The following CNBD1 variants were observed in gnomAD, a reference collection of about 807,000 sequenced individuals.
The protein encoded by CNBD1 is cyclic nucleotide-binding domain-containing protein 1.
Under a neutral mutation model 54.4 loss-of-function variants are expected in CNBD1, and 71 were observed. The observed-to-expected ratio is 1.30, with a 90% CI of 1.08 to 1.59. CNBD1 has a LOEUF of 1.59. Ranked by LOEUF, CNBD1 falls within the 40% of genes most tolerant of loss-of-function variation. CNBD1 has a pLI of 0.00. For missense variants in CNBD1, 659 were observed against 518.0 expected, an observed-to-expected ratio of 1.27 and a Z score of -2.64; for synonymous variants, 182 against 170.7, an observed-to-expected ratio of 1.07 and a Z score of -0.51.
chr8:87,212,616 T>C (rs1269647163), intron 5 of CNBD1, among the ~76,000 whole-genome samples: 1 of 152,120 alleles, frequency 6.6e-6, no homozygotes, highest in East Asian at 1.9e-4. Context: ...AAGAAAACTC[T>C]TTTCAACAAA....
At chr8:86,935,608 G>A (rs1809533739) in intron 3 of CNBD1, among the ~76,000 whole-genome samples, 1 of 151,932 alleles carries the variant, frequency 6.6e-6, no homozygotes. Flanking sequence ...CATTTCTGAT[G>A]TAATTTATGT....
intron 9 of CNBD1, among the ~76,000 whole-genome samples, chr8:87,352,478 C>CAAAAAAAAAAAAAAAAAAA (rs386413278): frequency 2.0e-4 from 21 of 107,466 alleles, no homozygotes; most frequent in African/African-American, 7.7e-4. Flanking sequence ...GACTCTGTCT[C>CAAAAAAAAAAAAAAAAAAA]AAAAAAAAAA....
intron 4 of CNBD1, among the ~76,000 whole-genome samples, chr8:87,007,920 G>A (rs757995252): frequency 3.9e-5 from 6 of 152,090 alleles, no homozygotes; most frequent in Non-Finnish European, 7.4e-5. Context: ...CTCCAAAAAC[G>A]TAATTCATGT....
chr8:86,892,538 T>A (rs1256224515), intron 2 of CNBD1, among the ~76,000 whole-genome samples: 2 of 152,074 alleles, frequency 1.3e-5, no homozygotes, highest in Non-Finnish European at 2.9e-5. Context: ...TTTTCCCTCA[T>A]TTGCTCAAAA....
At chr8:87,400,429 T>G (rs940803361) in intron 2 of CNBD1, among the ~76,000 whole-genome samples, 2 of 151,952 alleles carry the variant, frequency 1.3e-5, no homozygotes, top group African/African-American at 4.8e-5. Context: ...AATCAATATT[T>G]GGTTAAATTA....
chr8:87,316,657 G>A (rs897643931), intron 8 of CNBD1, among the ~76,000 whole-genome samples: 3 of 151,710 alleles, frequency 2.0e-5, no homozygotes, highest in Non-Finnish European at 4.4e-5. Context: ...GGCCATCAAG[G>A]CACAGGTTAA....
intron 8 of CNBD1, among the ~76,000 whole-genome samples, chr8:87,335,398 T>A (rs1809923496): frequency 6.6e-6 from 1 of 152,190 alleles, no homozygotes; most frequent in Non-Finnish European, 1.5e-5. Flanking sequence ...CTGTATTGGG[T>A]GTATATATAT....
chr8:86,982,834 G>T (rs1314590592), intron 4 of CNBD1, among the ~76,000 whole-genome samples: 2 of 152,098 alleles, frequency 1.3e-5, no homozygotes, highest in East Asian at 3.9e-4. Flanking sequence ...GCCTGCTGAG[G>T]TTTTGATTGG....
chr8:86,989,779 GT>G (rs1808701422), intron 4 of CNBD1, among the ~76,000 whole-genome samples: 1 of 152,096 alleles, frequency 6.6e-6, no homozygotes, highest in South Asian at 2.1e-4. Flanking sequence ...GTTCTTTATA[GT>G]GCTTGTACTA....
intron 4 of CNBD1, among the ~76,000 whole-genome samples, chr8:86,987,785 G>T (rs1361988896): frequency 6.6e-6 from 1 of 152,010 alleles, no homozygotes; most frequent in Non-Finnish European, 1.5e-5. Context: ...TGTTTATGTT[G>T]TGAATCACAT....
At chr8:87,343,545 A>G (rs1043241272) in intron 8 of CNBD1, among the ~76,000 whole-genome samples, 1 of 152,204 alleles carries the variant, frequency 6.6e-6, no homozygotes. Flanking sequence ...TAAAACATGT[A>G]ACTTATAACT....
Position 86,982,432 on chromosome 8 carries a change from T to G in CNBD1, c.431+42678T>G, listed in dbSNP as rs563755612. ...GAGATTTTAGGGTTTTAGCTCTTCATGTAAGCCTGTGATCCATTTTAATTG... is the reference window on the plus strand; with the variant it reads ...GAGATTTTAGGGTTTTAGCTCTTCAGGTAAGCCTGTGATCCATTTTAATTG... On this transcript the variant is annotated intron_variant, in intron 4 of 10. Transcript: ENST00000518476. 2.6e-5 allele frequency among the ~76,000 whole-genome samples: 4 copies of G among 152,346 alleles called. No homozygotes were observed. In the East Asian group the frequency reaches 7.7e-4, roughly 29 times the overall value.
rs763168262 is a variant in CNBD1 at position 86,967,517 on chromosome 8, G to A, written c.431+27763G>A. Among the ~76,000 whole-genome samples the A allele has an allele frequency of 2.0e-5, 3 of 152,228 alleles. No individual in the cohort carries two copies. In the East Asian group the frequency reaches 5.8e-4, roughly 29 times the overall value. ...CAACTGAGCCTCCCTTCTGCAGCCA[G>A]TGTCATGTCTTCTGCCATCAATGTC... On this transcript the variant is annotated intron_variant, in intron 4 of 10. Coordinates refer to ENST00000518476, the MANE Select transcript of CNBD1 (RefSeq NM_173538.3).
At chr8:87,424,110 A>G (rs1316400028) in intron 2 of CNBD1, among the ~76,000 whole-genome samples, 1 of 151,958 alleles carries the variant, frequency 6.6e-6, no homozygotes, top group Non-Finnish European at 1.5e-5. Context: ...TTTCTGTGGG[A>G]TTGGTGGTGA....
At chr8:87,177,928 T>C (rs1297916574) in intron 4 of CNBD1, among the ~76,000 whole-genome samples, 2 of 152,140 alleles carry the variant, frequency 1.3e-5, no homozygotes, top group African/African-American at 4.8e-5. Context: ...TGTGGGTAGT[T>C]GTGGAAAGGT....
intron 4 of CNBD1, among the ~76,000 whole-genome samples, chr8:87,024,687 T>G (rs978290997): frequency 1.3e-5 from 2 of 152,138 alleles, no homozygotes; most frequent in Admixed American, 6.5e-5. Context: ...TTATTTTTGG[T>G]TTTTGTAGAA....
chr8:87,303,139 T>C (rs1410212123), intron 8 of CNBD1, among the ~76,000 whole-genome samples: 3 of 152,100 alleles, frequency 2.0e-5, no homozygotes, highest in Non-Finnish European at 2.9e-5. Flanking sequence ...AAAACTACTT[T>C]AAAGTTCATA....
chr8:86,994,039 G>C (rs1808813887), intron 4 of CNBD1, among the ~76,000 whole-genome samples: 1 of 152,166 alleles, frequency 6.6e-6, no homozygotes, highest in Non-Finnish European at 1.5e-5. Flanking sequence ...AGTACAGGGA[G>C]GCCCATCCTG....
At chr8:87,401,033 A>G (rs1398964530) in intron 2 of CNBD1, among the ~76,000 whole-genome samples, 3 of 152,164 alleles carry the variant, frequency 2.0e-5, no homozygotes, top group South Asian at 2.1e-4. Context: ...GTTTTAATTT[A>G]TCTCAGTTTA....
Sources: allele counts gnomAD v4.1 joint callset (sites outside exome capture counted in the v4.1 genomes callset), GRCh38; gene constraint gnomAD v4.1.1; transcripts MANE v1.5; gene names NCBI Gene and HGNC (gene_info 2026-07-23, HGNC 2026-07-21).